Variants in RP1 observed in about 807,000 individuals in gnomAD.
RP1 encodes RP1 axonemal microtubule associated.
In RP1, 16 loss-of-function variants were observed where a neutral mutation model predicts 14.8. The ratio of observed to expected loss-of-function variants is 1.08; its 90% CI spans 0.73 to 1.65. The LOEUF is 1.65. RP1 is among the 40% of genes most tolerant of loss of function. The pLI is 0.00. For synonymous variants in RP1, 876 were observed against 883.6 expected, an observed-to-expected ratio of 0.99 and a Z score of 0.15; for missense variants, 2,631 against 2,535.0, an observed-to-expected ratio of 1.04 and a Z score of -0.81.
chr8:54,613,986 C>T (rs1442339812), upstream of RP1, among the ~76,000 whole-genome samples: 1 of 152,106 alleles, frequency 6.6e-6, no homozygotes, highest in Non-Finnish European at 1.5e-5. Flanking sequence ...ATAATAATGT[C>T]CATTTACTGA....
At chr8:54,746,062 A>T (rs1428269744) in intron 19 of RP1, among the ~76,000 whole-genome samples, 1 of 152,238 alleles carries the variant, frequency 6.6e-6, no homozygotes, top group Admixed American at 6.5e-5. Flanking sequence ...TGTCATTATT[A>T]GGACATATGT....
chr8:54,683,724 T>C (rs1807487422), intron 12 of RP1, among the ~76,000 whole-genome samples: 2 of 152,206 alleles, frequency 1.3e-5, no homozygotes. Flanking sequence ...TTTCTAGATA[T>C]AGGATTATGT....
intron 24 of RP1, among the ~76,000 whole-genome samples, chr8:54,788,470 CT>C (rs141473215): frequency 6.6e-5 from 10 of 150,778 alleles, no homozygotes; most frequent in Admixed American, 1.3e-4. Flanking sequence ...CCATTCTTTC[CT>C]TTTTTTTTGT....
intron 14 of RP1, among the ~76,000 whole-genome samples, chr8:54,705,976 T>A (rs1808141587): frequency 6.6e-6 from 1 of 152,178 alleles, no homozygotes; most frequent in Non-Finnish European, 1.5e-5. Context: ...TATCTTCCTC[T>A]TAAATTAATG....
intron 24 of RP1, chr8:54,837,316 A>C (rs187527341): frequency 5.0e-6 from 2 of 401,994 alleles, no homozygotes; most frequent in Admixed American, 8.8e-5. Context: ...ATGGTGTTAG[A>C]AGTAACTGGT....
intron 24 of RP1, among the ~76,000 whole-genome samples, chr8:54,822,731 G>A (rs888595100): frequency 6.6e-6 from 1 of 152,166 alleles, no homozygotes; most frequent in Non-Finnish European, 1.5e-5. Flanking sequence ...AGTTGAGGAA[G>A]GACTGCCTCA....
intron 1 of RP1, among the ~76,000 whole-genome samples, chr8:54,584,879 T>A (rs1171534031): frequency 1.3e-5 from 2 of 152,232 alleles, no homozygotes; most frequent in Non-Finnish European, 2.9e-5. Context: ...CCCTTTATTT[T>A]GAGCCTATGT....
chr8:54,806,844 C>G (rs898029382), intron 24 of RP1, among the ~76,000 whole-genome samples: 3 of 151,962 alleles, frequency 2.0e-5, no homozygotes, highest in Non-Finnish European at 4.4e-5. Context: ...TTATCTTCAC[C>G]CTGAGATAAT....
chr8:54,602,674 T>A (rs1267183070), intron 1 of RP1, among the ~76,000 whole-genome samples: 1 of 152,208 alleles, frequency 6.6e-6, no homozygotes, highest in Non-Finnish European at 1.5e-5. Context: ...GTGTTCCTAT[T>A]TCTCCACATC....
intron 12 of RP1, among the ~76,000 whole-genome samples, chr8:54,690,792 G>A (rs1021287576): frequency 2.6e-5 from 4 of 152,052 alleles, no homozygotes; most frequent in Non-Finnish European, 4.4e-5. Flanking sequence ...GAGATCTAAC[G>A]TTAGTTTCAA....
intron 3 of RP1, among the ~76,000 whole-genome samples, chr8:54,645,579 T>C (rs1284381367): frequency 6.6e-6 from 1 of 152,172 alleles, no homozygotes; most frequent in Non-Finnish European, 1.5e-5. Flanking sequence ...ACTTGAAGAT[T>C]ATAGTTGATG....
intron 24 of RP1, among the ~76,000 whole-genome samples, chr8:54,784,980 G>T (rs545692860): frequency 6.6e-6 from 1 of 151,232 alleles, no homozygotes; most frequent in African/African-American, 2.4e-5. Context: ...ATATTTATGG[G>T]GTACAGTGTG....
At chr8:54,714,500 CTAAT>C (rs555976256) in intron 15 of RP1, among the ~76,000 whole-genome samples, 166 of 152,280 alleles carry the variant, frequency 1.1e-3, no homozygotes, top group African/African-American at 3.8e-3. Context: ...ACTGGCTCAA[CTAAT>C]TATGTGTCAC....
At chr8:54,756,381 G>C (rs1162880125) in intron 21 of RP1, among the ~76,000 whole-genome samples, 4 of 152,174 alleles carry the variant, frequency 2.6e-5, no homozygotes, top group African/African-American at 7.2e-5. Flanking sequence ...TAATCTAAAG[G>C]CATATTTTTA....
intron 24 of RP1, among the ~76,000 whole-genome samples, chr8:54,801,798 G>A (rs957255089): frequency 6.6e-6 from 1 of 152,154 alleles, no homozygotes; most frequent in African/African-American, 2.4e-5. Context: ...CTCCAGGTGA[G>A]CACATGCTTA....
chr8:54,593,028 G>A (rs1203104611), intron 1 of RP1, among the ~76,000 whole-genome samples: 1 of 152,180 alleles, frequency 6.6e-6, no homozygotes, highest in East Asian at 1.9e-4. Flanking sequence ...AGGAAGTCAT[G>A]CAGGGAGAAA....
chr8:54,649,198 T>A (rs1270806641), intron 4 of RP1: 1 of 1,340,668 alleles, frequency 7.5e-7, no homozygotes, highest in East Asian at 2.7e-5. Flanking sequence ...ATACACCTAG[T>A]AGGTACTTTG....
At chr8:54,614,580 G>C (rs1440505466), upstream of RP1, among the ~76,000 whole-genome samples, 1 of 152,154 alleles carries the variant, frequency 6.6e-6, no homozygotes, top group Non-Finnish European at 1.5e-5. Context: ...GTGATACCAG[G>C]GAGAGGGTAT....
At chr8:54,580,805 G>A (rs1259878535) in intron 1 of RP1, among the ~76,000 whole-genome samples, 1 of 151,762 alleles carries the variant, frequency 6.6e-6, no homozygotes, top group East Asian at 1.9e-4. Context: ...TTTTAGTAGA[G>A]ACGGGGTTTC....
Sources: gnomAD v4.1 joint callset for allele counts (sites outside exome capture counted in the v4.1 genomes callset) on GRCh38, gnomAD v4.1.1 for gene constraint, MANE v1.5 for transcripts, NCBI Gene and HGNC (gene_info 2026-07-23, HGNC 2026-07-21) for gene names.